FSTL4: variants seen among roughly 807,000 people sequenced by gnomAD.
FSTL4 encodes the protein follistatin-related protein 4.
FSTL4 carries 28 observed loss-of-function variants against 78.2 expected under a neutral mutation model. The observed-to-expected ratio is 0.36, with a 90% CI of 0.27 to 0.49. FSTL4 has a LOEUF of 0.49. Among genes scored for constraint, FSTL4 ranks in the 20% least tolerant of loss-of-function variants. The pLI, the probability that FSTL4 is intolerant of heterozygous loss-of-function variation, is 0.98. For synonymous variants in FSTL4, 422 were observed against 440.5 expected (o/e 0.96, Z 0.53); for missense variants, 922 against 1,084.9 (o/e 0.85, Z 2.11).
intron 4 of FSTL4, among the ~76,000 whole-genome samples, chr5:133,321,245 A>T (rs1296220765): frequency 6.6e-6 from 1 of 152,070 alleles, no homozygotes; most frequent in Non-Finnish European, 1.5e-5. Flanking sequence ...CTGGAGTGCT[A>T]TTCACCCAAA....
chr5:133,733,644 A>C, the FSTL4 span, among the ~76,000 whole-genome samples: 1 of 152,264 alleles, frequency 6.6e-6, no homozygotes, highest in Non-Finnish European at 1.5e-5. Flanking sequence ...GTAGATAAAA[A>C]CAGATTAAAA....
intron 3 of FSTL4, among the ~76,000 whole-genome samples, chr5:133,536,431 T>C (rs1471954810): frequency 2.0e-5 from 3 of 152,222 alleles, no homozygotes; most frequent in Non-Finnish European, 2.9e-5. Flanking sequence ...TTGTTTTAAA[T>C]ATTTGTTTAG....
At chr5:133,788,026 T>C in the FSTL4 span, among the ~76,000 whole-genome samples, 1 of 152,332 alleles carries the variant, frequency 6.6e-6, no homozygotes, top group East Asian at 1.9e-4. Flanking sequence ...TTTCTATGTG[T>C]GTGGTTCCCC....
chr5:133,557,257 A>G (rs1047988310), intron 3 of FSTL4, among the ~76,000 whole-genome samples: 1 of 152,174 alleles, frequency 6.6e-6, no homozygotes, highest in East Asian at 1.9e-4. Context: ...CCTTCTGAAG[A>G]CAGAAGAGAG....
chr5:133,395,272 G>A (rs574600365), intron 4 of FSTL4, among the ~76,000 whole-genome samples: 1 of 152,290 alleles, frequency 6.6e-6, no homozygotes, highest in East Asian at 1.9e-4. Flanking sequence ...TAGGTCTGCA[G>A]CTTCACTTCT....
intron 4 of FSTL4, among the ~76,000 whole-genome samples, chr5:133,385,149 C>T (rs940516736): frequency 3.3e-5 from 5 of 152,224 alleles, no homozygotes; most frequent in Non-Finnish European, 5.9e-5. Context: ...CTTGGACCCC[C>T]GCCACCGGGC....
At chr5:133,550,368 T>C (rs1371176469) in intron 3 of FSTL4, among the ~76,000 whole-genome samples, 1 of 152,126 alleles carries the variant, frequency 6.6e-6, no homozygotes, top group Non-Finnish European at 1.5e-5. Context: ...AATAAATTGG[T>C]CCAGTTAAAT....
intron 4 of FSTL4, among the ~76,000 whole-genome samples, chr5:133,350,742 C>G (rs1368247012): frequency 1.3e-5 from 2 of 152,110 alleles, no homozygotes; most frequent in African/African-American, 4.8e-5. Flanking sequence ...TCTGCCATCC[C>G]CTGGGTGTGG....
the FSTL4 span, among the ~76,000 whole-genome samples, chr5:133,772,933 A>G: frequency 1.3e-5 from 2 of 152,200 alleles, no homozygotes; most frequent in Non-Finnish European, 2.9e-5. Flanking sequence ...ACTAATTAAA[A>G]AGAAACTAAA....
intron 6 of FSTL4, among the ~76,000 whole-genome samples, chr5:133,297,350 G>GCTC (rs1436536316): frequency 3.9e-5 from 6 of 152,140 alleles, no homozygotes; most frequent in African/African-American, 1.4e-4. Flanking sequence ...AGAGGAGGGT[G>GCTC]CTCCCACCTG....
At chr5:133,606,884 T>C (rs2112982879) in intron 1 of FSTL4, among the ~76,000 whole-genome samples, 1 of 152,378 alleles carries the variant, frequency 6.6e-6, no homozygotes, top group East Asian at 1.9e-4. Flanking sequence ...AATATATTCA[T>C]TTCAACTGTG....
intron 3 of FSTL4, among the ~76,000 whole-genome samples, chr5:133,545,730 T>C (rs1742924295): frequency 6.6e-6 from 1 of 152,102 alleles, no homozygotes; most frequent in Admixed American, 6.5e-5. Context: ...CCAAAATTGT[T>C]CCAAAAAAGT....
At chr5:133,508,146 AATGGG>A (rs1758649934) in intron 3 of FSTL4, among the ~76,000 whole-genome samples, 1 of 152,132 alleles carries the variant, frequency 6.6e-6, no homozygotes, top group South Asian at 2.1e-4. Context: ...TCATCTGTTA[AATGGG>A]GATTAGAATA....
At chr5:133,824,860 T>C in the FSTL4 span, among the ~76,000 whole-genome samples, 1 of 152,114 alleles carries the variant, frequency 6.6e-6, no homozygotes, top group Non-Finnish European at 1.5e-5. Flanking sequence ...AAATGGTACC[T>C]GAGTCCAGGA....
chr5:133,205,429 C>T (rs9327648), intron 14 of FSTL4, among the ~76,000 whole-genome samples: 34,983 of 151,686 alleles, frequency 0.23, 5,095 homozygotes, highest in East Asian at 0.43. Context: ...TATACACATG[C>T]GTCTCTCCTG....
rs758578198 is a variant in FSTL4, at chr5:133,236,955, T to C, written c.895-3418A>G. On this transcript the variant is annotated intron_variant, in intron 7 of 15. Coordinates refer to ENST00000265342, the MANE Select transcript of FSTL4 (RefSeq NM_015082.2). This position sits in a 1 kb window ranked among gnomAD's most constrained non-coding sequence, Gnocchi z 5.0. ...CTGCAGAGGAGGGCAGGGAGGCTTG[T>C]GCCCTGTGTGCCTGTCACAGTCCTG... Among the ~76,000 whole-genome samples, 31 of 152,216 alleles carry C rather than the reference T, an allele frequency of 2.0e-4. No individual in the cohort carries two copies. The highest frequency in any genetic ancestry group is 3.8e-4 in the Non-Finnish European group (26 of 68,034).
chr5:133,405,662 C>T (rs1756345471), intron 3 of FSTL4, among the ~76,000 whole-genome samples: 1 of 152,228 alleles, frequency 6.6e-6, no homozygotes, highest in African/African-American at 2.4e-5. Flanking sequence ...TATTCTTCCC[C>T]GCTTTAAGAT....
rs1278682752 is a variant in FSTL4, at chr5:133,236,845, C to T, written c.895-3308G>A. On this transcript the variant is annotated intron_variant, in intron 7 of 15. Transcript: ENST00000265342. This position sits in a 1 kb window ranked among gnomAD's most constrained non-coding sequence, Gnocchi z 5.0. Reference sequence around the variant, plus strand: ...CCTCTTCCCCACACCCTGCTTGGCGCCTCCTGTGGACGCACTGCTGTGCCG... The same window carrying T: ...CCTCTTCCCCACACCCTGCTTGGCGTCTCCTGTGGACGCACTGCTGTGCCG... Among the ~76,000 whole-genome samples, 1 of 152,234 alleles carries T rather than the reference C, an allele frequency of 6.6e-6. No homozygotes were observed. Among genetic ancestry groups the T allele is most frequent in the Non-Finnish European group, 1.5e-5 (1 of 68,048 alleles).
chr5:133,663,880 C>T, the FSTL4 span, among the ~76,000 whole-genome samples: 108 of 152,300 alleles, frequency 7.1e-4, 1 homozygote, highest in African/African-American at 2.5e-3. Flanking sequence ...CTGGAAGCCT[C>T]TCTAGGGAAT....
Sources: gnomAD v4.1 joint callset for allele counts (sites outside exome capture counted in the v4.1 genomes callset) on GRCh38, gnomAD v4.1.1 for gene constraint, Gnocchi (gnomAD v3.1) non-coding constraint, MANE v1.5 for transcripts, NCBI Gene and HGNC (gene_info 2026-07-23, HGNC 2026-07-21) for gene names.